FSHR: variants seen among roughly 807,000 people sequenced by gnomAD.
FSHR encodes follicle stimulating hormone receptor.
Under a neutral mutation model 52.1 loss-of-function variants are expected in FSHR, and 46 were observed. That is an observed-to-expected ratio of 0.88 (90% confidence interval 0.70 to 1.13). FSHR has a LOEUF of 1.13. FSHR is among the 50% of genes most tolerant of loss of function. FSHR has a pLI of 0.00. For missense variants in FSHR, 964 were observed against 834.6 expected (o/e 1.16, Z -1.91); for synonymous variants, 399 against 309.6 (o/e 1.29, Z -3.03).
At chr2:48,975,566 G>A (rs1029473710) in intron 8 of FSHR, among the ~76,000 whole-genome samples, 2 of 152,108 alleles carry the variant, frequency 1.3e-5, no homozygotes, top group African/African-American at 4.8e-5. Flanking sequence ...TAGCTTCCCT[G>A]GTTCTCCAGC....
chr2:49,128,616 G>C (rs1307859881), intron 1 of FSHR, among the ~76,000 whole-genome samples: 1 of 151,884 alleles, frequency 6.6e-6, no homozygotes, highest in Non-Finnish European at 1.5e-5. Flanking sequence ...TAAAGTACCT[G>C]TCTTCTGTTT....
At chr2:49,075,219 G>C (rs1669905159) in intron 1 of FSHR, among the ~76,000 whole-genome samples, 1 of 152,112 alleles carries the variant, frequency 6.6e-6, no homozygotes, top group African/African-American at 2.4e-5. Context: ...GAAAATGTTT[G>C]AGATGATGGG....
intron 9 of FSHR, among the ~76,000 whole-genome samples, chr2:48,965,626 C>A (rs1239760953): frequency 1.3e-5 from 2 of 152,162 alleles, no homozygotes; most frequent in Non-Finnish European, 2.9e-5. Flanking sequence ...TTGCTGACTG[C>A]AGTTTGGTTC....
At chr2:49,151,389 A>T (rs374544721) in intron 1 of FSHR, among the ~76,000 whole-genome samples, 1 of 152,122 alleles carries the variant, frequency 6.6e-6, no homozygotes, top group African/African-American at 2.4e-5. Flanking sequence ...TACAAAACAT[A>T]CTGCATAAAG....
At chr2:49,099,347 G>A (rs927924456) in intron 1 of FSHR, among the ~76,000 whole-genome samples, 1 of 151,976 alleles carries the variant, frequency 6.6e-6, no homozygotes, top group Non-Finnish European at 1.5e-5. Flanking sequence ...CTCTCTTGCT[G>A]CTGCCATGTA....
intron 6 of FSHR, among the ~76,000 whole-genome samples, chr2:48,985,876 G>C (rs1000295465): frequency 2.7e-5 from 4 of 148,218 alleles, no homozygotes; most frequent in African/African-American, 1.0e-4. Context: ...ACTGCGCCCG[G>C]CTAATTTTTT....
intron 6 of FSHR, among the ~76,000 whole-genome samples, chr2:48,984,195 T>C (rs1228404577): frequency 6.6e-6 from 1 of 152,178 alleles, no homozygotes; most frequent in Non-Finnish European, 1.5e-5. Context: ...TGTATGTCTT[T>C]TTCCTCCTCT....
At chr2:49,104,793 C>T (rs1299882802) in intron 1 of FSHR, among the ~76,000 whole-genome samples, 1 of 150,986 alleles carries the variant, frequency 6.6e-6, no homozygotes, top group Non-Finnish European at 1.5e-5. Context: ...CCATCCCAGC[C>T]CAGTATTTCC....
chr2:49,037,306 G>A (rs1290420444), intron 2 of FSHR, among the ~76,000 whole-genome samples: 1 of 152,200 alleles, frequency 6.6e-6, no homozygotes, highest in Non-Finnish European at 1.5e-5. Flanking sequence ...CAGAACTGGA[G>A]AAAATTAAAA....
intron 1 of FSHR, among the ~76,000 whole-genome samples, chr2:49,098,402 A>T (rs1473652830): frequency 6.6e-6 from 1 of 152,166 alleles, no homozygotes; most frequent in Non-Finnish European, 1.5e-5. Flanking sequence ...GAATGGGGTG[A>T]TATAGAGATA....
chr2:49,121,574 A>G (rs984549548), intron 1 of FSHR, among the ~76,000 whole-genome samples: 1 of 152,150 alleles, frequency 6.6e-6, no homozygotes, highest in Non-Finnish European at 1.5e-5. Context: ...GGGCTTTCCC[A>G]TACCTAGCTG....
intron 1 of FSHR, among the ~76,000 whole-genome samples, chr2:49,151,224 A>G (rs1673051461): frequency 6.6e-6 from 1 of 151,750 alleles, no homozygotes; most frequent in Non-Finnish European, 1.5e-5. Context: ...GAGATATAAA[A>G]GATTCAAATT....
intron 1 of FSHR, among the ~76,000 whole-genome samples, chr2:49,076,431 GA>G (rs200572961): frequency 0.013 from 1,964 of 152,154 alleles, 22 homozygotes; most frequent in Non-Finnish European, 0.019. Context: ...AACAGCACGG[GA>G]AAAACCCGCC....
intron 2 of FSHR, among the ~76,000 whole-genome samples, chr2:49,064,014 GAAAA>G: frequency 6.6e-6 from 1 of 151,342 alleles, no homozygotes; most frequent in East Asian, 1.9e-4. Context: ...TAATAAAAAA[GAAAA>G]AACTGTGGAA....
intron 4 of FSHR, among the ~76,000 whole-genome samples, chr2:48,996,691 G>A (rs1306226213): frequency 6.6e-6 from 1 of 152,082 alleles, no homozygotes. Context: ...CAGCTGAAAC[G>A]AGGTGGCAGA....
At chr2:49,128,126 C>T (rs1672133364) in intron 1 of FSHR, among the ~76,000 whole-genome samples, 1 of 151,812 alleles carries the variant, frequency 6.6e-6, no homozygotes. Context: ...AAGTGATCCA[C>T]CTGCCTCAGC....
chr2:49,147,720 C>T (rs946732366), intron 1 of FSHR, among the ~76,000 whole-genome samples: 4 of 151,110 alleles, frequency 2.6e-5, no homozygotes, highest in Non-Finnish European at 5.9e-5. Flanking sequence ...ATAGCTGTTC[C>T]TTTAGTCATT....
chr2:48,975,422 A>G (rs1455464612), intron 8 of FSHR, among the ~76,000 whole-genome samples: 3 of 152,156 alleles, frequency 2.0e-5, no homozygotes, highest in Non-Finnish European at 2.9e-5. Flanking sequence ...AGTCCACCCA[A>G]TGTATCATTC....
chr2:49,075,166 A>T (rs1005230043), intron 1 of FSHR, among the ~76,000 whole-genome samples: 66 of 152,260 alleles, frequency 4.3e-4, no homozygotes, highest in African/African-American at 1.5e-3. Context: ...ATATAGTTGC[A>T]AATCATAAAG....
Sources: allele counts gnomAD v4.1 joint callset (sites outside exome capture counted in the v4.1 genomes callset), GRCh38; gene constraint gnomAD v4.1.1; transcripts MANE v1.5; gene names NCBI Gene and HGNC (gene_info 2026-07-23, HGNC 2026-07-21).